Variants in UGT1A9 observed in about 807,000 individuals in gnomAD.
UGT1A9 encodes the protein UDP glucuronosyltransferase family 1 member A9, also known as UDP-glucuronosyltransferase 1A9.
UGT1A9 carries 35 observed loss-of-function variants against 45.0 expected under a neutral mutation model. The observed-to-expected ratio is 0.78, with a 90% confidence interval of 0.59 to 1.03. The LOEUF is 1.03. UGT1A9 is among the 50% of genes least tolerant of loss of function. The pLI, the probability that UGT1A9 is intolerant of heterozygous loss-of-function variation, is 0.00. For missense variants in UGT1A9, 687 were observed against 666.6 expected (o/e 1.03, Z -0.34); for synonymous variants, 278 against 250.6 (o/e 1.11, Z -1.03).
intron 1 of UGT1A9, chr2:233,719,479 T>A: frequency 1.9e-6 from 3 of 1,614,024 alleles, no homozygotes; most frequent in Non-Finnish European, 2.5e-6. Flanking sequence ...CCTCTGGCCC[T>A]GTCCTACATT....
chr2:233,728,977 G>T, intron 1 of UGT1A9: 2 of 1,494,572 alleles, frequency 1.3e-6, no homozygotes, highest in African/African-American at 2.8e-5. Context: ...ATAGATTAAT[G>T]GTTAATAATT....
In UGT1A9 at chr2:233,690,508, G is replaced by C. The variant is rs149990156; in HGVS notation, c.855+17719G>C. The C allele has an allele frequency of 2.2e-5, 29 of 1,289,314 alleles. No individual in the cohort carries two copies. In the African/African-American group the frequency reaches 4.0e-4, roughly 18 times the overall value. The allele number at this position is 1,289,314 out of a possible 1,614,324, so 79.9% of individuals were successfully genotyped here. A position where few individuals can be genotyped will look rare whatever the true frequency, so the allele number is the denominator to read the frequency against. On this transcript the variant is annotated intron_variant, in intron 1 of 4. Transcript: ENST00000354728. ...AATCTGCTCTTGCCAACAGAGATTT[G>C]TTTTATCTTAGGATCTACTTCTTTC... is the stretch of plus-strand genomic sequence containing the variant.
intron 2 of UGT1A9, among the ~76,000 whole-genome samples, 162 bp from the exon 3 acceptor site, chr2:233,767,687 C>A (rs1297182892): frequency 6.6e-6 from 1 of 152,176 alleles, no homozygotes; most frequent in Non-Finnish European, 1.5e-5. Flanking sequence ...AAACAAGATG[C>A]CGGAAGTTGC....
Position 233,768,558 on chromosome 2 carries a change from T to C in UGT1A9, c.1295+119T>C. On this transcript the variant is annotated intron_variant, in intron 4 of 4. Transcript: ENST00000354728. ...TGTTTCAAATATAAAAACAAATACA[T>C]AAAAATCTGGATTTTTATTTCTTCT... 3.4e-6 allele frequency: 4 copies of C among 1,184,218 alleles called. No individual in the cohort carries two copies. In the South Asian group the frequency reaches 4.4e-5, roughly 13 times the overall value. The allele number at this position is 1,184,218 out of a possible 1,614,324, so 73.4% of individuals were successfully genotyped here.
At chr2:233,716,743 T>C (rs576356659) in intron 1 of UGT1A9, among the ~76,000 whole-genome samples, 2 of 152,306 alleles carry the variant, frequency 1.3e-5, no homozygotes, top group East Asian at 1.9e-4. Context: ...CTCTGTGAGA[T>C]TGGGAGAGGG....
chr2:233,729,968 G>C (rs201755757), intron 1 of UGT1A9: 1 of 1,614,008 alleles, frequency 6.2e-7, no homozygotes. Context: ...GGCATCAACT[G>C]TGCCAACAGG....
chr2:233,713,979 T>G lies in UGT1A9; in HGVS notation c.855+41190T>G. 2.5e-6 allele frequency: 4 copies of G among 1,594,106 alleles called. No individual in the cohort carries two copies. In the South Asian group the frequency reaches 4.6e-5, roughly 18 times the overall value. On this transcript the variant is annotated intron_variant, in intron 1 of 4. Coordinates refer to ENST00000354728, the MANE Select transcript of UGT1A9 (RefSeq NM_021027.3). ...CCAAAGATTTCATTTCTGCTTCTCATTGTTGTAATAGTCTTCAGTGAGATA... is the reference window on the plus strand; with the variant it reads ...CCAAAGATTTCATTTCTGCTTCTCAGTGTTGTAATAGTCTTCAGTGAGATA...
At chr2:233,681,446 G>C (rs767589751) in intron 1 of UGT1A9, among the ~76,000 whole-genome samples, 1 of 144,682 alleles carries the variant, frequency 6.9e-6, no homozygotes, top group South Asian at 2.2e-4. Flanking sequence ...CAGGAGAATC[G>C]TTTGAACCCA....
chr2:233,696,605 CCTTT>C (rs57635371), intron 1 of UGT1A9, among the ~76,000 whole-genome samples: 49,440 of 151,646 alleles, frequency 0.33, 8,219 homozygotes, highest in African/African-American at 0.38. Flanking sequence ...ACTTGGATGC[CCTTT>C]CTTTCTTTCT....
At chr2:233,771,960 T>A (rs1700422086) in intron 4 of UGT1A9, among the ~76,000 whole-genome samples, 1 of 152,076 alleles carries the variant, frequency 6.6e-6, no homozygotes, top group Non-Finnish European at 1.5e-5. Flanking sequence ...ACAAAAAATT[T>A]AAAAATTGGC....
At chr2:233,764,822 A>G (rs963945721) in intron 1 of UGT1A9, among the ~76,000 whole-genome samples, 3 of 152,082 alleles carry the variant, frequency 2.0e-5, no homozygotes, top group Non-Finnish European at 4.4e-5. Flanking sequence ...AAAATGCAGC[A>G]TGGTGGTGGG....
intron 1 of UGT1A9, among the ~76,000 whole-genome samples, chr2:233,733,037 G>T (rs562709334): frequency 5.5e-4 from 83 of 152,142 alleles, no homozygotes; most frequent in Non-Finnish European, 1.1e-3. Context: ...TCCCTTTTAA[G>T]TTGGATTCCT....
intron 1 of UGT1A9, among the ~76,000 whole-genome samples, chr2:233,680,020 TCTC>T (rs1003758552): frequency 2.6e-5 from 4 of 152,186 alleles, no homozygotes; most frequent in Non-Finnish European, 5.9e-5. Flanking sequence ...TTTCTCTCTC[TCTC>T]TTTTTTCTTT....
intron 1 of UGT1A9, among the ~76,000 whole-genome samples, chr2:233,766,284 C>T (rs982809777): frequency 7.9e-5 from 12 of 151,766 alleles, no homozygotes; most frequent in Non-Finnish European, 1.8e-4. Context: ...GGCCCGGGCT[C>T]GGTGGCCTGG....
At chr2:233,675,467 A>G (rs1382105098) in intron 1 of UGT1A9, among the ~76,000 whole-genome samples, 2 of 152,336 alleles carry the variant, frequency 1.3e-5, no homozygotes, top group African/African-American at 4.8e-5. Flanking sequence ...TATACCATCC[A>G]TGGCAGGTGC....
chr2:233,680,887 G>A lies in UGT1A9; in HGVS notation c.855+8098G>A, dbSNP rs375107832. Among the ~76,000 whole-genome samples the A allele has an allele frequency of 5.3e-5, 8 of 151,984 alleles. No homozygotes were observed. In the East Asian group the frequency reaches 1.4e-3, roughly 26 times the overall value. The stretch of plus-strand genomic sequence containing the variant: ...GTGCTTGGGCAAGCATAGGGACGGC[G>A]ACTCACCACTGCAGACAATGTATCT... On this transcript the variant is annotated intron_variant, in intron 1 of 4. Transcript: ENST00000354728.
chr2:233,681,862 C>G lies in UGT1A9; in HGVS notation c.855+9073C>G, dbSNP rs1298944980. ...ACACGCCTTCTTTTGAGGGCAGGTT[C>G]TATCTGTACTTCTTCCACTTACTAT... On this transcript the variant is annotated intron_variant, in intron 1 of 4. Transcript: ENST00000354728. 4.1e-5 allele frequency: 62 copies of G among 1,529,184 alleles called. No homozygotes were observed. The East Asian group carries it at 1.3e-3, about 31-fold the overall frequency. 94.7% of individuals were successfully genotyped at this position (1,529,184 alleles called of 1,614,324 possible).
intron 1 of UGT1A9, among the ~76,000 whole-genome samples, chr2:233,683,644 C>T (rs1038099804): frequency 1.3e-5 from 2 of 152,092 alleles, no homozygotes; most frequent in African/African-American, 2.4e-5. Context: ...AAATTTTGCA[C>T]TTTATAAAAG....
chr2:233,717,845 T>C, intron 1 of UGT1A9: 1 of 455,144 alleles, frequency 2.2e-6, no homozygotes, highest in Non-Finnish European at 4.4e-6. Context: ...ACCATTCTTA[T>C]CAGAACTTGG....
Sources: allele counts gnomAD v4.1 joint callset (sites outside exome capture counted in the v4.1 genomes callset), GRCh38; gene constraint gnomAD v4.1.1; transcripts MANE v1.5; gene names NCBI Gene and HGNC (gene_info 2026-07-23, HGNC 2026-07-21).